FGF14: variants seen among roughly 807,000 people sequenced by gnomAD.
FGF14 encodes fibroblast growth factor 14.
A neutral mutation model predicts 25.5 loss-of-function variants in FGF14; 5 were observed. The ratio of observed to expected loss-of-function variants is 0.20; its 90% confidence interval spans 0.10 to 0.41. The LOEUF is 0.41. FGF14 is among the 10% of genes least tolerant of loss of function. FGF14 has a pLI of 1.00. For synonymous variants in FGF14, 138 were observed against 118.3 expected (o/e 1.17, Z -1.08); for missense variants, 222 against 320.1 (o/e 0.69, Z 2.34).
intron 3 of FGF14, among the ~76,000 whole-genome samples, chr13:101,767,628 A>G (rs2038492464): frequency 6.6e-6 from 1 of 152,230 alleles, no homozygotes; most frequent in South Asian, 2.1e-4. Flanking sequence ...CTGGAATGTA[A>G]CCTGCATCAG....
At chr13:102,178,180 A>G (rs1201381166) in intron 1 of FGF14, among the ~76,000 whole-genome samples, 3 of 152,104 alleles carry the variant, frequency 2.0e-5, no homozygotes, top group African/African-American at 4.8e-5. Flanking sequence ...AGAGAAGGAG[A>G]CCTAAGCCAC....
At chr13:102,165,892 C>T (rs943840852) in intron 1 of FGF14, among the ~76,000 whole-genome samples, 11 of 151,508 alleles carry the variant, frequency 7.3e-5, no homozygotes, top group African/African-American at 2.7e-4. Context: ...AATGAGGATA[C>T]TTATAAGTAT....
intron 1 of FGF14, among the ~76,000 whole-genome samples, chr13:102,045,778 A>T (rs769967148): frequency 5.3e-5 from 8 of 152,148 alleles, no homozygotes; most frequent in Non-Finnish European, 1.0e-4. Context: ...GATTAAAGCA[A>T]CTGAATTCAG....
At chr13:101,941,848 C>G (rs568183400) in intron 1 of FGF14, among the ~76,000 whole-genome samples, 1 of 152,024 alleles carries the variant, frequency 6.6e-6, no homozygotes, top group Non-Finnish European at 1.5e-5. Flanking sequence ...AAATTTTTGG[C>G]GAGTAATTGT....
intron 1 of FGF14, among the ~76,000 whole-genome samples, chr13:101,936,364 G>A (rs1322713): frequency 0.48 from 72,926 of 152,066 alleles, 21,622 homozygotes; most frequent in African/African-American, 0.82. Context: ...GCCTTCAGGT[G>A]CCCTAAAGTC....
Position 102,075,287 on chromosome 13 carries a change from G to GA in FGF14, c.209-199992dup, listed in dbSNP as rs1305455156. Among the ~76,000 whole-genome samples, 4 of 152,114 alleles carry GA rather than the reference G, an allele frequency of 2.6e-5. 1 individual carries two copies. The highest frequency in any genetic ancestry group is 2.0e-4 in the Admixed American group (3 of 15,268). ...TCTATATGCTAACTATGAACTATCA[G>GA]AAAAAGAAATCAAGAAAGCAATTCT... On this transcript the variant is annotated intron_variant, in intron 1 of 4. Coordinates refer to the FGF14 transcript ENST00000376131.
intron 3 of FGF14, among the ~76,000 whole-genome samples, chr13:101,830,443 G>T (rs1221246251): frequency 1.3e-5 from 2 of 152,026 alleles, no homozygotes; most frequent in African/African-American, 4.8e-5. Flanking sequence ...AATGTTTCCA[G>T]TATGAGACAA....
rs1371115649 is a variant in FGF14 at position 101,793,693 on chromosome 13, C to T, written c.409-66883G>A. Among the ~76,000 whole-genome samples, 6 of 152,046 alleles carry T rather than the reference C, an allele frequency of 3.9e-5. No individual in the cohort carries two copies. The East Asian group carries it at 1.2e-3, about 29-fold the overall frequency. On this transcript the variant is annotated intron_variant, in intron 3 of 4. Coordinates refer to ENST00000376143, the MANE Select transcript of FGF14 (RefSeq NM_004115.4). ...ATGGCAGCACTCATTCACAGTCCCA[C>T]CAGCAGTGCACAGCCTCTTCTGTCC...
At chr13:101,825,251 T>C (rs972761347) in intron 3 of FGF14, among the ~76,000 whole-genome samples, 2 of 152,134 alleles carry the variant, frequency 1.3e-5, no homozygotes, top group Non-Finnish European at 2.9e-5. Context: ...AGGCAGATAG[T>C]GTCTGAATTG....
At chr13:101,843,001 G>A (rs576775817) in intron 3 of FGF14, among the ~76,000 whole-genome samples, 3 of 152,080 alleles carry the variant, frequency 2.0e-5, no homozygotes, top group East Asian at 3.9e-4. Flanking sequence ...TCGTCTATAC[G>A]GAAACATACA....
At chr13:101,909,001 T>C (rs2139054434) in intron 1 of FGF14, among the ~76,000 whole-genome samples, 1 of 152,332 alleles carries the variant, frequency 6.6e-6, no homozygotes, top group African/African-American at 2.4e-5. Context: ...AAGGATTCCC[T>C]GTTTAATAAA....
At chr13:101,920,720 T>G (rs1317184442), upstream of FGF14, among the ~76,000 whole-genome samples, 1 of 152,204 alleles carries the variant, frequency 6.6e-6, no homozygotes, top group Non-Finnish European at 1.5e-5. Flanking sequence ...TTTTAGATAA[T>G]TCGAAACATA....
upstream of FGF14, chr13:102,401,821 G>A (rs1365466946): frequency 5.4e-6 from 4 of 743,738 alleles, no homozygotes; most frequent in South Asian, 4.9e-5. Context: ...TATTACCAAA[G>A]GGTTGGAGAA....
intron 3 of FGF14, among the ~76,000 whole-genome samples, chr13:101,782,758 A>G (rs1231610035): frequency 2.6e-5 from 4 of 152,156 alleles, no homozygotes; most frequent in African/African-American, 9.7e-5. Context: ...TATGGTGTAT[A>G]TGTACCATAT....
At chr13:102,288,270 CT>C (rs1265740168) in intron 1 of FGF14, among the ~76,000 whole-genome samples, 1 of 152,096 alleles carries the variant, frequency 6.6e-6, no homozygotes, top group African/African-American at 2.4e-5. Context: ...TAATGTGAGC[CT>C]TATTCTCACA....
chr13:102,352,418 T>C (rs567634049), intron 1 of FGF14, among the ~76,000 whole-genome samples: 1 of 152,226 alleles, frequency 6.6e-6, no homozygotes, highest in East Asian at 1.9e-4. Context: ...GACAAGTTGT[T>C]TTAATAAATG....
chr13:102,372,786 G>A (rs1040032563), intron 1 of FGF14, among the ~76,000 whole-genome samples: 8 of 152,028 alleles, frequency 5.3e-5, no homozygotes, highest in Admixed American at 2.0e-4. Flanking sequence ...CAGCAATGCT[G>A]GTATTCCAAT....
chr13:101,995,527 T>C (rs894559165), intron 1 of FGF14, among the ~76,000 whole-genome samples: 3 of 152,144 alleles, frequency 2.0e-5, no homozygotes, highest in African/African-American at 7.2e-5. Context: ...TTAACAAGCA[T>C]GTAAGTACAT....
chr13:102,101,181 T>C (rs2044646709), intron 1 of FGF14, among the ~76,000 whole-genome samples: 1 of 152,126 alleles, frequency 6.6e-6, no homozygotes, highest in Admixed American at 6.6e-5. Context: ...CTTTCTACTA[T>C]ATCCTGTGCT....
Sources: allele counts gnomAD v4.1 joint callset (sites outside exome capture counted in the v4.1 genomes callset), GRCh38; gene constraint gnomAD v4.1.1; transcripts MANE v1.5; gene names NCBI Gene and HGNC (gene_info 2026-07-23, HGNC 2026-07-21).